Variants in LRRC3B observed in about 807,000 individuals in gnomAD.
LRRC3B encodes the protein leucine-rich repeat-containing protein 3B.
LRRC3B carries 2 observed loss-of-function variants against 12.8 expected under a neutral mutation model. The ratio of observed to expected loss-of-function variants is 0.16; its 90% confidence interval spans 0.06 to 0.49. The LOEUF is 0.49. Among genes scored for constraint, LRRC3B ranks in the 20% least tolerant of loss-of-function variants. The pLI, the probability that LRRC3B is intolerant of heterozygous loss-of-function variation, is 0.96. For missense variants in LRRC3B, 189 were observed against 319.4 expected, an observed-to-expected ratio of 0.59 and a Z score of 3.11; for synonymous variants, 132 against 122.0, an observed-to-expected ratio of 1.08 and a Z score of -0.54.
chr3:26,635,723 G>C (rs1698854607), intron 1 of LRRC3B, among the ~76,000 whole-genome samples: 1 of 152,200 alleles, frequency 6.6e-6, no homozygotes, highest in Non-Finnish European at 1.5e-5. Context: ...TGGGCATCTA[G>C]TCACCTTGTA....
At chr3:26,666,530 A>G (rs1488195065) in intron 1 of LRRC3B, among the ~76,000 whole-genome samples, 2 of 152,126 alleles carry the variant, frequency 1.3e-5, no homozygotes, top group East Asian at 3.9e-4. Flanking sequence ...CTGCTTGGCA[A>G]TAGATACTGC....
At chr3:26,693,135 C>A (rs562257223) in intron 1 of LRRC3B, among the ~76,000 whole-genome samples, 1 of 151,746 alleles carries the variant, frequency 6.6e-6, no homozygotes, top group Non-Finnish European at 1.5e-5. Flanking sequence ...TCGAGACCAT[C>A]CTGGCTAACA....
chr3:26,664,709 T>C (rs1338771452), intron 1 of LRRC3B, among the ~76,000 whole-genome samples: 1 of 152,056 alleles, frequency 6.6e-6, no homozygotes, highest in Non-Finnish European at 1.5e-5. Context: ...GTCAGTTCTG[T>C]GGTGGAGTTC....
chr3:26,651,595 T>TTGAATGAATGAA (rs34871865), intron 1 of LRRC3B, among the ~76,000 whole-genome samples: 1 of 151,986 alleles, frequency 6.6e-6, no homozygotes, highest in African/African-American at 2.4e-5. Flanking sequence ...TAAATATCTG[T>TTGAATGAATGAA]TGAATGAATG....
chr3:26,687,457 T>C (rs1375980685), intron 1 of LRRC3B, among the ~76,000 whole-genome samples: 1 of 152,220 alleles, frequency 6.6e-6, no homozygotes. Flanking sequence ...AAATATGAGT[T>C]TGTTTAATAA....
chr3:26,692,939 A>T (rs1575168041), intron 1 of LRRC3B, among the ~76,000 whole-genome samples: 1 of 152,122 alleles, frequency 6.6e-6, no homozygotes. Flanking sequence ...CTAGGCTGGG[A>T]TACCTCAGCT....
intron 1 of LRRC3B, among the ~76,000 whole-genome samples, chr3:26,666,163 G>T (rs777113336): frequency 6.6e-6 from 1 of 152,016 alleles, no homozygotes; most frequent in Admixed American, 6.6e-5. Context: ...GTATGATCTG[G>T]ATCCTAAATT....
intron 1 of LRRC3B, among the ~76,000 whole-genome samples, chr3:26,671,225 C>T (rs1349277727): frequency 3.5e-5 from 5 of 144,500 alleles, no homozygotes; most frequent in Non-Finnish European, 7.5e-5. Context: ...CCGTTTTAGC[C>T]GGGATGGTCT....
intron 1 of LRRC3B, chr3:26,625,280 G>C (rs551138812): frequency 1.6e-4 from 25 of 152,364 alleles, no homozygotes; most frequent in Admixed American, 3.9e-4. Context: ...AGGAAACGTC[G>C]ACTCGCCAGG....
At position 26,646,483 on chromosome 3, in the gene LRRC3B, T is replaced by C. The variant is rs565351749; in HGVS notation, c.-161+23246T>C. ...AGTATGTTTTATCTTTCTTTTGCAG[T>C]CACCTTTTCAGTTTCCTCTGATAAT... On this transcript the variant is annotated intron_variant, in intron 1 of 1. Transcript: ENST00000396641. Among the ~76,000 whole-genome samples the C allele has an allele frequency of 1.8e-4, 28 of 152,036 alleles. No homozygotes were observed. In the South Asian group the frequency reaches 5.6e-3, roughly 30 times the overall value.
At chr3:26,707,306 C>T (rs1424061197) in intron 1 of LRRC3B, among the ~76,000 whole-genome samples, 2 of 151,688 alleles carry the variant, frequency 1.3e-5, no homozygotes, top group Non-Finnish European at 2.9e-5. Context: ...CGGAGATTTG[C>T]AGTGAGCCGA....
chr3:26,703,583 G>T (rs1038447499), intron 1 of LRRC3B, among the ~76,000 whole-genome samples: 2 of 151,972 alleles, frequency 1.3e-5, no homozygotes, highest in Non-Finnish European at 2.9e-5. Context: ...TACATTTCGT[G>T]TTCTTTGGTT....
At chr3:26,644,001 A>G (rs1228399825) in intron 1 of LRRC3B, among the ~76,000 whole-genome samples, 1 of 152,230 alleles carries the variant, frequency 6.6e-6, no homozygotes, top group African/African-American at 2.4e-5. Context: ...TTCCAAGTAT[A>G]CCACTGCGGT....
At position 26,625,577 on chromosome 3, in the gene LRRC3B, C is replaced by G. The variant is rs1223786060; in HGVS notation, c.-161+2340C>G. ...GCTCTGACCCCCCCAAGGCTCATTT[C>G]TTTCTGGGTGCTTATCTATCGCCTG... On this transcript the variant is annotated intron_variant, in intron 1 of 1. Coordinates refer to ENST00000396641, the Ensembl canonical transcript of LRRC3B. 2.0e-5 allele frequency: 3 copies of G among 152,198 alleles called. No individual in the cohort carries two copies. In the East Asian group the frequency reaches 5.8e-4, roughly 29 times the overall value. 9.4% of individuals were successfully genotyped at this position (152,198 alleles called of 1,614,324 possible).
intron 1 of LRRC3B, among the ~76,000 whole-genome samples, chr3:26,708,519 C>A (rs57278495): frequency 7.4e-4 from 111 of 149,028 alleles, no homozygotes; most frequent in African/African-American, 2.5e-3. Context: ...TAAGTAACCT[C>A]ATCTCTCTGG....
chr3:26,652,200 A>T (rs1341205480), intron 1 of LRRC3B, among the ~76,000 whole-genome samples: 1 of 152,084 alleles, frequency 6.6e-6, no homozygotes, highest in African/African-American at 2.4e-5. Flanking sequence ...CTTTCTGAAA[A>T]CCCTACAGAA....
intron 1 of LRRC3B, chr3:26,624,761 A>T (rs1698586140): frequency 6.6e-6 from 1 of 152,308 alleles, no homozygotes; most frequent in African/African-American, 2.4e-5. Flanking sequence ...CCCACCTTGC[A>T]GCTCCCAGGT....
intron 1 of LRRC3B, among the ~76,000 whole-genome samples, chr3:26,652,890 C>T (rs982938166): frequency 6.6e-6 from 1 of 152,058 alleles, no homozygotes; most frequent in Non-Finnish European, 1.5e-5. Flanking sequence ...TCTTCCCTTT[C>T]TAGTTCTTGT....
At chr3:26,678,973 G>T (rs1229758252) in intron 1 of LRRC3B, among the ~76,000 whole-genome samples, 3 of 152,132 alleles carry the variant, frequency 2.0e-5, no homozygotes, top group Non-Finnish European at 2.9e-5. Context: ...CAACAGGTCT[G>T]CTATCATACA....
Sources: gnomAD v4.1 joint callset for allele counts (sites outside exome capture counted in the v4.1 genomes callset) on GRCh38, gnomAD v4.1.1 for gene constraint, MANE v1.5 for transcripts, NCBI Gene and HGNC (gene_info 2026-07-23, HGNC 2026-07-21) for gene names.